Variants in DMD observed in about 807,000 individuals in gnomAD.
DMD encodes mutant dystrophin.
A neutral mutation model predicts 330.1 loss-of-function variants in DMD; 63 were observed. That is an observed-to-expected ratio of 0.19 (90% CI 0.16 to 0.24). DMD has a LOEUF of 0.24. Ranked by LOEUF, DMD falls within the 10% of genes least tolerant of loss-of-function variation. The pLI, the probability that DMD is intolerant of heterozygous loss-of-function variation, is 1.00. For missense variants in DMD, 3,344 were observed against 2,684.1 expected (o/e 1.25, Z -5.43); for synonymous variants, 1,223 against 959.8 (o/e 1.27, Z -5.07).
At chrX:32,646,564 A>G (rs1033450246) in intron 9 of DMD, among the ~76,000 whole-genome samples, 3 of 111,438 alleles carry the variant, frequency 2.7e-5, no homozygotes, top group Non-Finnish European at 5.7e-5. Flanking sequence ...GGGGGATTTC[A>G]TAATCTCACC....
intron 44 of DMD, among the ~76,000 whole-genome samples, chrX:32,085,800 G>A (rs1232191606): frequency 9.1e-6 from 1 of 109,303 alleles, no homozygotes; most frequent in Admixed American, 9.9e-5. Flanking sequence ...ACGATATCTG[G>A]CAATATCTTA....
intron 1 of DMD, among the ~76,000 whole-genome samples, chrX:33,303,772 G>A (rs925698400): frequency 9.0e-6 from 1 of 111,622 alleles, no homozygotes; most frequent in African/African-American, 3.3e-5. Flanking sequence ...TGCCATGATT[G>A]TAAGTTTCCT....
chrX:32,275,388 G>A (rs930114021), intron 43 of DMD, among the ~76,000 whole-genome samples: 1 of 111,447 alleles, frequency 9.0e-6, no homozygotes, highest in African/African-American at 3.3e-5. Flanking sequence ...TCATCAAGTC[G>A]TATTGATTAC....
chrX:32,055,456 C>T (rs927410666), intron 44 of DMD, among the ~76,000 whole-genome samples: 2 of 111,095 alleles, frequency 1.8e-5, no homozygotes, highest in South Asian at 3.7e-4. Context: ...GTGCTCTATA[C>T]GACTGAATGG....
chrX:31,948,280 C>G (rs1204414094), intron 45 of DMD, among the ~76,000 whole-genome samples: 2 of 112,047 alleles, frequency 1.8e-5, no homozygotes, highest in Non-Finnish European at 3.8e-5. Flanking sequence ...CCATGCACAG[C>G]TATGCTGTAT....
At chrX:31,547,888 C>T (rs958120716) in intron 55 of DMD, among the ~76,000 whole-genome samples, 15 of 111,468 alleles carry the variant, frequency 1.3e-4, no homozygotes, top group Non-Finnish European at 2.8e-4. Context: ...TTGGAAAGAG[C>T]CCATTCAATC....
chrX:31,538,114 G>T (rs934999098), intron 55 of DMD, among the ~76,000 whole-genome samples: 5 of 111,602 alleles, frequency 4.5e-5, no homozygotes, highest in African/African-American at 1.3e-4. Flanking sequence ...ACCTTTTGTG[G>T]GTTTGCTTGT....
intron 62 of DMD, among the ~76,000 whole-genome samples, chrX:31,284,578 C>CTTCTTCTTCTTCTTCTTCTTCTTCTT (rs2147921784): frequency 1.1e-5 from 1 of 93,321 alleles, no homozygotes; most frequent in African/African-American, 4.2e-5. Context: ...TCTTCTTCTT[C>CTTCTTCTTCTTCTTCTTCTTCTTCTT]TTCTTCTTCT....
chrX:32,815,910 T>G (rs2077724293), intron 6 of DMD, among the ~76,000 whole-genome samples: 1 of 111,320 alleles, frequency 9.0e-6, no homozygotes, highest in Non-Finnish European at 1.9e-5. Context: ...GCTCTTTGTC[T>G]TGGTTACTAA....
At chrX:32,543,675 C>G (rs1035038852) in intron 17 of DMD, among the ~76,000 whole-genome samples, 1 of 112,118 alleles carries the variant, frequency 8.9e-6, no homozygotes, top group Admixed American at 9.5e-5. Context: ...GCTTTTCACT[C>G]CATCAATTTT....
chrX:32,853,595 T>G (rs1390643190), intron 2 of DMD, among the ~76,000 whole-genome samples: 6 of 109,149 alleles, frequency 5.5e-5, no homozygotes, highest in African/African-American at 2.0e-4. Flanking sequence ...TTCACAAAAT[T>G]TAAAAAGCAA....
At chrX:31,698,161 T>C (rs752097005) in intron 52 of DMD, among the ~76,000 whole-genome samples, 11 of 111,719 alleles carry the variant, frequency 9.8e-5, no homozygotes, top group Admixed American at 1.9e-4. Context: ...GAGTTCCAGG[T>C]AGAAAATGCC....
rs759052121 is a variant in DMD, at chrX:32,800,859, T to C, written c.649+8634A>G. On this transcript the variant is annotated intron_variant, in intron 7 of 78. Transcript: ENST00000357033. ...ATGATGTTTTCCAGCTTCATCCACA[T>C]CCCTGCAAAGGACATGAAACTCATC... Among the ~76,000 whole-genome samples, 297 of 111,327 alleles carry C rather than the reference T, an allele frequency of 2.7e-3. 2 individuals carry two copies. Among genetic ancestry groups the C allele is most frequent in the Non-Finnish European group, 4.4e-3 (232 of 53,142 alleles).
chrX:31,522,363 C>CTATA (rs1556678891), intron 55 of DMD, among the ~76,000 whole-genome samples: 419 of 35,938 alleles, frequency 0.012, 23 homozygotes, highest in South Asian at 0.041. Flanking sequence ...CTCTCTCTCT[C>CTATA]TATATATATA....
At chrX:31,803,215 G>A (rs982402464) in intron 50 of DMD, among the ~76,000 whole-genome samples, 1 of 111,647 alleles carries the variant, frequency 9.0e-6, no homozygotes, top group African/African-American at 3.3e-5. Context: ...ATAGAAAGTA[G>A]AAAAATGGGA....
intron 48 of DMD, among the ~76,000 whole-genome samples, chrX:31,853,143 C>T (rs1051933941): frequency 1.8e-5 from 2 of 112,807 alleles, no homozygotes; most frequent in Non-Finnish European, 1.9e-5. Context: ...TTCGGCCTCT[C>T]AAAGTGCTGG....
chrX:32,329,760 CTAAT>C, intron 41 of DMD, among the ~76,000 whole-genome samples: 1 of 112,358 alleles, frequency 8.9e-6, no homozygotes, highest in East Asian at 2.8e-4. Context: ...TAAGAAAGCA[CTAAT>C]TATTATGGAA....
At chrX:33,269,276 T>C (rs1032947480) in intron 1 of DMD, among the ~76,000 whole-genome samples, 30 of 111,519 alleles carry the variant, frequency 2.7e-4, no homozygotes, top group African/African-American at 9.5e-4. Flanking sequence ...AACAAAATCA[T>C]GTCCTTTGCA....
At chrX:31,969,692 C>CT (rs1319453655) in intron 44 of DMD, among the ~76,000 whole-genome samples, 1 of 111,528 alleles carries the variant, frequency 9.0e-6, no homozygotes, top group African/African-American at 3.3e-5. Context: ...TGGCTTTTTT[C>CT]TTTTTCTACA....
Sources: gnomAD v4.1 joint callset for allele counts (sites outside exome capture counted in the v4.1 genomes callset) on GRCh38, gnomAD v4.1.1 for gene constraint, MANE v1.5 for transcripts, NCBI Gene and HGNC (gene_info 2026-07-23, HGNC 2026-07-21) for gene names.